PREPL: variants seen among roughly 807,000 people sequenced by gnomAD.
PREPL encodes the protein prolyl endopeptidase-like.
In PREPL, 77 loss-of-function variants were observed where a neutral mutation model predicts 70.6. The observed-to-expected ratio is 1.09, with a 90% CI of 0.91 to 1.32. PREPL has a LOEUF of 1.32. Ranked by LOEUF, PREPL falls within the 40% of genes most tolerant of loss-of-function variation. PREPL has a pLI of 0.00. For missense variants in PREPL, 1,002 were observed against 778.2 expected, an observed-to-expected ratio of 1.29 and a Z score of -3.42; for synonymous variants, 315 against 264.8, an observed-to-expected ratio of 1.19 and a Z score of -1.84.
At chr2:44,329,845 G>C (rs888168824) in intron 8 of PREPL, among the ~76,000 whole-genome samples, 1 of 152,092 alleles carries the variant, frequency 6.6e-6, no homozygotes, top group Non-Finnish European at 1.5e-5. Context: ...ACAGACAAAA[G>C]AACTAATTCT....
At chr2:44,331,013 A>T (rs1558493682) in intron 8 of PREPL, among the ~76,000 whole-genome samples, 2 of 151,960 alleles carry the variant, frequency 1.3e-5, no homozygotes, top group Non-Finnish European at 2.9e-5. Context: ...CGCAATCACA[A>T]CTCACTGCAG....
At chr2:44,355,774 TATATAC>T (rs10579157) in intron 1 of PREPL, among the ~76,000 whole-genome samples, 68,731 of 133,762 alleles carry the variant, frequency 0.51, 17,524 homozygotes, top group Middle Eastern at 0.62. Context: ...TATATATATA[TATATAC>T]ACACACACAC....
At position 44,359,763 on chromosome 2, in the gene PREPL, G is replaced by A. The variant is rs771760016; in HGVS notation, c.-49+1617C>T. On this transcript the variant is annotated intron_variant, in intron 1 of 13. Coordinates refer to ENST00000409411, the MANE Select transcript of PREPL (RefSeq NM_001171613.2). The stretch of plus-strand genomic sequence containing the variant: ...GCTCCTTTTGGGGCTGCCAGCACAC[G>A]AATGATTTTATAGGTATGATTACAG... 17 of 1,329,190 alleles carry A rather than the reference G, an allele frequency of 1.3e-5. No homozygotes were observed. In the Admixed American group the frequency reaches 1.9e-4, roughly 15 times the overall value. The allele number at this position is 1,329,190 out of a possible 1,614,324, so 82.3% of individuals were successfully genotyped here.
chr2:44,332,577 A>C lies in PREPL; in HGVS notation c.968T>G (p.Ile323Arg), dbSNP rs926904705. Residue 323 changes from isoleucine (I) to arginine (R), a missense_variant, in exon 8 of 14, where the codon ATA becomes AGA. By Grantham distance (97) the Ile-to-Arg change is moderately conservative. Transcript: ENST00000409411. ...KNCPFQLCSPIRPPKYYTYKF... is the reference protein window; with the variant it reads ...KNCPFQLCSPRRPPKYYTYKF... ...GTATGTGTAATATTTTGGGGGACGT[A>C]TTGGAGAGCAAAGTTGAAAGGGGCA... 28 of 1,613,786 alleles carry C rather than the reference A, an allele frequency of 1.7e-5. No individual in the cohort carries two copies. Among genetic ancestry groups the C allele is most frequent in the African/African-American group, 2.7e-5 (2 of 74,946 alleles).
chr2:44,359,330 C>A (rs1174993642), intron 1 of PREPL, among the ~76,000 whole-genome samples: 1 of 152,014 alleles, frequency 6.6e-6, no homozygotes, highest in African/African-American at 2.4e-5. Flanking sequence ...GATGTATATA[C>A]TCTTTTATAC....
At chr2:44,344,200 A>T (rs970133011) in intron 3 of PREPL, among the ~76,000 whole-genome samples, 3 of 152,180 alleles carry the variant, frequency 2.0e-5, no homozygotes, top group Non-Finnish European at 2.9e-5. Context: ...AGTCTAGTTT[A>T]GTATTTACAG....
intron 7 of PREPL, among the ~76,000 whole-genome samples, chr2:44,334,609 G>A (rs1674448406): frequency 6.6e-6 from 1 of 152,160 alleles, no homozygotes; most frequent in Non-Finnish European, 1.5e-5. Context: ...GCAGTGGCGT[G>A]ATCTCGGCTC....
At chr2:44,350,974 T>C (rs1676358957) in intron 1 of PREPL, among the ~76,000 whole-genome samples, 1 of 151,512 alleles carries the variant, frequency 6.6e-6, no homozygotes, top group Non-Finnish European at 1.5e-5. Flanking sequence ...GCTTTTTTTT[T>C]GTTTGAGATG....
In PREPL at chr2:44,319,199, GAAC is replaced by G. The variant is rs1672705762; in HGVS notation, c.*2154_*2156del. ...CACATATTGGGAACCTACCCCTAAA[GAAC>G]AATAACAACCACAATAACAACTATC... is the stretch of plus-strand genomic sequence containing the variant. On this transcript the variant is annotated 3_prime_UTR_variant, in exon 14 of 14. Coordinates refer to ENST00000409411, the MANE Select transcript of PREPL (RefSeq NM_001171613.2). 6.6e-6 allele frequency: 1 copy of G among 152,558 alleles called. No homozygotes were observed. Among genetic ancestry groups the G allele is most frequent in the Non-Finnish European group, 1.5e-5 (1 of 68,000 alleles). 9.5% of individuals were successfully genotyped at this position (152,558 alleles called of 1,614,324 possible).
At position 44,328,993 on chromosome 2, in the gene PREPL, C is replaced by T; in HGVS notation, c.1206G>A (p.Arg402=). 3 of 1,614,106 alleles carry T rather than the reference C, an allele frequency of 1.9e-6. No individual in the cohort carries two copies. The highest frequency in any genetic ancestry group is 2.5e-6 in the Non-Finnish European group (3 of 1,180,006). ...AYGMDLKMNF[R]PERRVLVDDG... is the part of the protein sequence containing the mutation. ...CATCCACCAGGACCCGCCTCTCAGGCCTGAAATTCATTTTCAAATCCATTC... is the reference window on the plus strand; with the variant it reads ...CATCCACCAGGACCCGCCTCTCAGGTCTGAAATTCATTTTCAAATCCATTC... Residue 402 remains arginine, a synonymous_variant, in exon 9 of 14, where the codon AGG becomes AGA. Transcript: ENST00000409411.
intron 1 of PREPL, among the ~76,000 whole-genome samples, chr2:44,348,442 T>C (rs1205145254): frequency 6.6e-6 from 1 of 152,208 alleles, no homozygotes; most frequent in Admixed American, 6.5e-5. Flanking sequence ...GTCTGTTCTG[T>C]AATTTCCATT....
chr2:44,344,429 C>A (rs911863849), intron 3 of PREPL, 91 bp downstream of exon 3: 10 of 971,262 alleles, frequency 1.0e-5, no homozygotes, highest in African/African-American at 1.0e-4. Context: ...TTAAAAAAAT[C>A]TTTTCTCTAT....
intron 1 of PREPL, among the ~76,000 whole-genome samples, chr2:44,354,112 T>C (rs1014607685): frequency 3.3e-5 from 5 of 152,078 alleles, no homozygotes; most frequent in Non-Finnish European, 7.4e-5. Context: ...GCCATGTTTG[T>C]GCCTCTGCAC....
At chr2:44,339,008 G>A (rs1020590008) in intron 6 of PREPL, 139 bp downstream of exon 6, 78 of 1,372,006 alleles carry the variant, frequency 5.7e-5, no homozygotes, top group South Asian at 9.1e-5. Flanking sequence ...AGCTCTAAGG[G>A]AAAAGAAATG....
rs1672732920 is a variant in PREPL, at chr2:44,319,429, C to T, written c.*1927G>A. On this transcript the variant is annotated 3_prime_UTR_variant, in exon 14 of 14. Coordinates refer to ENST00000409411, the MANE Select transcript of PREPL (RefSeq NM_001171613.2). ...AAATACAAAATATTAGAAACACTAT[C>T]GTCAAAATGAAAGGGCATGGCTGAG... The T allele has an allele frequency of 1.3e-5, 2 of 152,350 alleles. No homozygotes were observed. Among genetic ancestry groups the T allele is most frequent in the Non-Finnish European group, 1.5e-5 (1 of 68,018 alleles). The allele number at this position is 152,350 out of a possible 1,614,324, so 9.4% of individuals were successfully genotyped here. A position where few individuals can be genotyped will look rare whatever the true frequency, so the allele number is the denominator to read the frequency against.
intron 7 of PREPL, among the ~76,000 whole-genome samples, 153 bp downstream of exon 7, chr2:44,338,198 T>C (rs1674833267): frequency 6.6e-6 from 1 of 152,246 alleles, no homozygotes; most frequent in Non-Finnish European, 1.5e-5. Context: ...ATAACCCTCC[T>C]AAACCCAAGA....
Position 44,319,184 on chromosome 2 carries a change from G to A in PREPL, c.*2172C>T, listed in dbSNP as rs1030977547. On this transcript the variant is annotated 3_prime_UTR_variant, in exon 14 of 14. Transcript: ENST00000409411. The stretch of plus-strand genomic sequence containing the variant: ...TAATTATTTAAAGACCACATATTGG[G>A]AACCTACCCCTAAAGAACAATAACA... 4 of 152,498 alleles carry A rather than the reference G, an allele frequency of 2.6e-5. No individual in the cohort carries two copies. The highest frequency in any genetic ancestry group is 2.9e-5 in the Non-Finnish European group (2 of 68,006). 9.4% of individuals were successfully genotyped at this position (152,498 alleles called of 1,614,324 possible). A position where few individuals can be genotyped will look rare whatever the true frequency, so the allele number is the denominator to read the frequency against.
chr2:44,344,674 C>T, intron 2 of PREPL, 88 bp from the exon 3 acceptor site: 1 of 995,536 alleles, frequency 1.0e-6, no homozygotes, highest in Non-Finnish European at 1.4e-6. Flanking sequence ...GAAATGAAGA[C>T]TCTTATAAAA....
intron 8 of PREPL, among the ~76,000 whole-genome samples, chr2:44,331,557 T>C (rs1674095054): frequency 6.6e-6 from 1 of 152,124 alleles, no homozygotes; most frequent in South Asian, 2.1e-4. Flanking sequence ...AGGGCCTCTA[T>C]ACAAAATGGA....
Sources: gnomAD v4.1 joint callset for allele counts (sites outside exome capture counted in the v4.1 genomes callset) on GRCh38, gnomAD v4.1.1 for gene constraint, MANE v1.5 for transcripts, NCBI Gene and HGNC (gene_info 2026-07-23, HGNC 2026-07-21) for gene names.